DCUN1D1: variants seen among roughly 807,000 people sequenced by gnomAD.
DCUN1D1 encodes defective in cullin neddylation 1 domain containing 1, also known as DCN1-like protein 1.
A neutral mutation model predicts 39.0 loss-of-function variants in DCUN1D1; 3 were observed. The observed-to-expected ratio is 0.08, with a 90% CI of 0.04 to 0.20. DCUN1D1 has a LOEUF of 0.20. Among genes scored for constraint, DCUN1D1 ranks in the 10% least tolerant of loss-of-function variants. DCUN1D1 has a pLI of 1.00. For missense variants in DCUN1D1, 158 were observed against 302.4 expected, an observed-to-expected ratio of 0.52 and a Z score of 3.54; for synonymous variants, 82 against 96.3, an observed-to-expected ratio of 0.85 and a Z score of 0.87.
rs1239291492 is a variant in DCUN1D1, at chr3:182,944,070, C to A, written c.*1024G>T. The A allele has an allele frequency of 6.6e-6, 1 of 152,474 alleles. No homozygotes were observed. Among genetic ancestry groups the A allele is most frequent in the East Asian group, 1.9e-4 (1 of 5,192 alleles). 9.4% of individuals were successfully genotyped at this position (152,474 alleles called of 1,614,324 possible). A position where few individuals can be genotyped will look rare whatever the true frequency, so the allele number is the denominator to read the frequency against. On this transcript the variant is annotated 3_prime_UTR_variant, in exon 7 of 7. Transcript: ENST00000292782. ...AAAGATTGAACTTCATGGCTCATTA[C>A]AACCATTTTCAAAATTTAACTGCAA...
Position 182,963,941 on chromosome 3 carries a change from C to T in DCUN1D1, c.329G>A (p.Arg110Lys), listed in dbSNP as rs778511513. 1 of 1,614,038 alleles carries T rather than the reference C, an allele frequency of 6.2e-7. No individual in the cohort carries two copies. Among genetic ancestry groups the T allele is most frequent in the Non-Finnish European group, 8.5e-7 (1 of 1,179,918 alleles). The change falls in exon 3 of 7, where the codon AGA (arginine) becomes AAA (lysine). Residue 110 changes from arginine (R) to lysine (K), a missense_variant. Arg to Lys is a conservative substitution (Grantham distance 26). Coordinates refer to ENST00000292782, the MANE Select transcript of DCUN1D1 (RefSeq NM_020640.4). ...ISVLIIAWKF[R>K]AATQCEFSKQ... The stretch of plus-strand genomic sequence containing the variant: ...GGAGAACTCGCACTGTGTTGCTGCT[C>T]TGAACTTCCACGCAATAATCAACAC...
At chr3:182,949,372 C>CA (rs1726587820) in intron 4 of DCUN1D1, among the ~76,000 whole-genome samples, 1 of 149,670 alleles carries the variant, frequency 6.7e-6, no homozygotes. Context: ...CAGAAACAAA[C>CA]AAAAAAGAGC....
upstream of DCUN1D1, among the ~76,000 whole-genome samples, chr3:182,982,365 G>A (rs192707201): frequency 1.3e-5 from 2 of 152,212 alleles, no homozygotes; most frequent in Non-Finnish European, 2.9e-5. Context: ...CATATCAAGA[G>A]GAATCTCAAA....
chr3:182,974,981 T>C (rs1045634846), intron 1 of DCUN1D1, among the ~76,000 whole-genome samples: 1 of 152,070 alleles, frequency 6.6e-6, no homozygotes, highest in African/African-American at 2.4e-5. Context: ...AGCAACTGAA[T>C]CCTATTTGGA....
At position 182,941,844 on chromosome 3, in the gene DCUN1D1, T is replaced by G. The variant is rs1726146645; in HGVS notation, c.*3250A>C. The G allele has an allele frequency of 6.6e-6, 1 of 152,116 alleles. No homozygotes were observed. Among genetic ancestry groups the G allele is most frequent in the Non-Finnish European group, 1.5e-5 (1 of 67,976 alleles). The allele number at this position is 152,116 out of a possible 1,614,324, so 9.4% of individuals were successfully genotyped here. On this transcript the variant is annotated 3_prime_UTR_variant, in exon 7 of 7. Transcript: ENST00000292782. ...CAAAACTCCTTCGATTAGGTTTAAC[T>G]TTCTCCTGTCATTCATATGTGAAAA...
chr3:182,952,818 C>T (rs1726825786), intron 4 of DCUN1D1, among the ~76,000 whole-genome samples: 1 of 152,194 alleles, frequency 6.6e-6, no homozygotes, highest in South Asian at 2.1e-4. Flanking sequence ...ACTGGGAAGG[C>T]TTATGTTAGG....
At chr3:182,966,534 A>G (rs1727678090) in intron 1 of DCUN1D1, among the ~76,000 whole-genome samples, 1 of 152,054 alleles carries the variant, frequency 6.6e-6, no homozygotes, top group African/African-American at 2.4e-5. Context: ...AGGTGAAGAG[A>G]TAATCACCTC....
chr3:182,943,402 T>C lies in DCUN1D1; in HGVS notation c.*1692A>G, dbSNP rs2108617367. On this transcript the variant is annotated 3_prime_UTR_variant, in exon 7 of 7. Coordinates refer to ENST00000292782, the MANE Select transcript of DCUN1D1 (RefSeq NM_020640.4). Reference sequence around the variant, plus strand: ...GTAGCCTGAATAGAAATTTTCAAATTTTTCTTTTGGTAAAACTGCATTCTT... The same window carrying C: ...GTAGCCTGAATAGAAATTTTCAAATCTTTCTTTTGGTAAAACTGCATTCTT... 1 of 152,656 alleles carries C rather than the reference T, an allele frequency of 6.6e-6. No individual in the cohort carries two copies. The highest frequency in any genetic ancestry group is 6.5e-5 in the Admixed American group (1 of 15,286). The allele number at this position is 152,656 out of a possible 1,614,324, so 9.5% of individuals were successfully genotyped here. A position where few individuals can be genotyped will look rare whatever the true frequency, so the allele number is the denominator to read the frequency against.
intron 1 of DCUN1D1, among the ~76,000 whole-genome samples, chr3:182,979,605 C>T (rs943115807): frequency 6.8e-6 from 1 of 146,798 alleles, no homozygotes; most frequent in East Asian, 2.1e-4. Context: ...CTTTTTCCCC[C>T]CCCCAAACAA....
upstream of DCUN1D1, chr3:182,980,659 G>C (rs1276292291): frequency 1.2e-6 from 1 of 843,260 alleles, no homozygotes; most frequent in Non-Finnish European, 1.4e-6. Context: ...GCGGAGGGAC[G>C]GAGGCAGGCG....
intron 4 of DCUN1D1, chr3:182,955,242 A>G (rs1726976905): frequency 2.0e-6 from 1 of 509,036 alleles, no homozygotes; most frequent in South Asian, 1.5e-5. Context: ...ATATTAATTC[A>G]CTTGAGGGTC....
chr3:182,940,385 C>G lies in DCUN1D1; in HGVS notation c.*4709G>C, dbSNP rs909353710. On this transcript the variant is annotated 3_prime_UTR_variant, in exon 7 of 7. Transcript: ENST00000292782. ...TGCTGCCCCTAAGTTTCAAACACTT[C>G]ATTGTTTCCAATCAGGCTTTGTTTT... 6.6e-6 allele frequency: 1 copy of G among 152,128 alleles called. No individual in the cohort carries two copies. The highest frequency in any genetic ancestry group is 1.5e-5 in the Non-Finnish European group (1 of 68,030). The allele number at this position is 152,128 out of a possible 1,614,324, so 9.4% of individuals were successfully genotyped here.
At chr3:182,984,931 G>C (rs912574390), upstream of DCUN1D1, among the ~76,000 whole-genome samples, 6 of 152,104 alleles carry the variant, frequency 3.9e-5, no homozygotes, top group Non-Finnish European at 8.8e-5. Flanking sequence ...ACTAGTCTGA[G>C]ATACACAGCC....
chr3:182,957,164 G>A (rs1379453604), intron 4 of DCUN1D1, among the ~76,000 whole-genome samples: 2 of 152,166 alleles, frequency 1.3e-5, no homozygotes, highest in Non-Finnish European at 2.9e-5. Context: ...AACAAGTAAG[G>A]ATATTCTGTG....
chr3:182,958,404 A>G (rs914492622), intron 4 of DCUN1D1, among the ~76,000 whole-genome samples: 3 of 152,088 alleles, frequency 2.0e-5, no homozygotes, highest in African/African-American at 7.2e-5. Flanking sequence ...TATATTTTTT[A>G]TAACTGATGA....
intron 4 of DCUN1D1, among the ~76,000 whole-genome samples, chr3:182,957,405 T>C (rs1020421854): frequency 1.3e-5 from 2 of 152,284 alleles, no homozygotes; most frequent in African/African-American, 4.8e-5. Context: ...GGCGGGGTGA[T>C]CACTTGAGGC....
intron 4 of DCUN1D1, among the ~76,000 whole-genome samples, chr3:182,948,816 G>A (rs1336682248): frequency 1.3e-5 from 2 of 152,148 alleles, no homozygotes; most frequent in African/African-American, 2.4e-5. Flanking sequence ...TTGGGAGGTT[G>A]AGTCGGGCAG....
upstream of DCUN1D1, among the ~76,000 whole-genome samples, chr3:182,983,699 TTC>T (rs1242061837): frequency 1.3e-5 from 2 of 151,894 alleles, no homozygotes; most frequent in African/African-American, 4.8e-5. Context: ...AAGAATGAGA[TTC>T]CACCTCAAAG....
At chr3:182,951,939 G>A (rs927417881) in intron 4 of DCUN1D1, among the ~76,000 whole-genome samples, 14 of 151,838 alleles carry the variant, frequency 9.2e-5, no homozygotes, top group Non-Finnish European at 1.8e-4. Flanking sequence ...CAGGTGATCC[G>A]CCCACCTCGG....
Sources: gnomAD v4.1 joint callset for allele counts (sites outside exome capture counted in the v4.1 genomes callset) on GRCh38, gnomAD v4.1.1 for gene constraint, MANE v1.5 for transcripts, NCBI Gene and HGNC (gene_info 2026-07-23, HGNC 2026-07-21) for gene names.